HTR4: variants seen among roughly 807,000 people sequenced by gnomAD.
The protein encoded by HTR4 is 5-hydroxytryptamine receptor 4.
A neutral mutation model predicts 36.8 loss-of-function variants in HTR4; 16 were observed. The ratio of observed to expected loss-of-function variants is 0.43; its 90% CI spans 0.29 to 0.66. The LOEUF (loss-of-function observed/expected upper bound fraction) is 0.66, where lower values mean the gene tolerates loss of function less well. HTR4 is among the 30% of genes least tolerant of loss of function. The pLI, the probability that HTR4 is intolerant of heterozygous loss-of-function variation, is 0.13. For synonymous variants in HTR4, 189 were observed against 185.1 expected (o/e 1.02, Z -0.17); for missense variants, 438 against 490.9 (o/e 0.89, Z 1.02).
chr5:148,555,165 G>C (rs748444522), intron 2 of HTR4, among the ~76,000 whole-genome samples: 3 of 152,200 alleles, frequency 2.0e-5, no homozygotes, highest in Admixed American at 6.5e-5. Context: ...GTTTTAGGTC[G>C]CTTTTTTGTC....
intron 2 of HTR4, among the ~76,000 whole-genome samples, chr5:148,632,462 G>A (rs560441735): frequency 6.6e-6 from 1 of 152,252 alleles, no homozygotes; most frequent in South Asian, 2.1e-4. Context: ...AGGGACTGCA[G>A]GGTCAGTGAA....
At chr5:148,524,994 A>G (rs1758197116) in intron 4 of HTR4, among the ~76,000 whole-genome samples, 1 of 152,158 alleles carries the variant, frequency 6.6e-6, no homozygotes, top group African/African-American at 2.4e-5. Context: ...AGCTGACGAC[A>G]TTGTGCCAAA....
At chr5:148,576,343 T>A (rs949656331) in intron 2 of HTR4, among the ~76,000 whole-genome samples, 1 of 151,732 alleles carries the variant, frequency 6.6e-6, no homozygotes, top group Non-Finnish European at 1.5e-5. Context: ...TGAAAAAACA[T>A]CCCATGTGCG....
At chr5:148,578,633 T>C (rs1307772157) in intron 2 of HTR4, among the ~76,000 whole-genome samples, 1 of 152,096 alleles carries the variant, frequency 6.6e-6, no homozygotes, top group African/African-American at 2.4e-5. Flanking sequence ...AGAGACAAAC[T>C]GCCTGAATTC....
intron 2 of HTR4, among the ~76,000 whole-genome samples, chr5:148,636,469 T>A (rs1378338446): frequency 6.6e-6 from 1 of 152,196 alleles, no homozygotes; most frequent in African/African-American, 2.4e-5. Context: ...GTCAGACTAC[T>A]ATTTCATCTC....
intron 5 of HTR4, chr5:148,462,033 C>T (rs114905261): frequency 6.6e-6 from 1 of 151,942 alleles, no homozygotes; most frequent in African/African-American, 2.4e-5. Context: ...AAAGAAATCT[C>T]AAAATAAGTT....
At chr5:148,532,524 G>A (rs1297654903) in intron 4 of HTR4, among the ~76,000 whole-genome samples, 1 of 152,226 alleles carries the variant, frequency 6.6e-6, no homozygotes, top group South Asian at 2.1e-4. Context: ...CTAGCAGAGG[G>A]ATGGGGAAAG....
chr5:148,628,220 T>C (rs191026882), intron 2 of HTR4, among the ~76,000 whole-genome samples: 1 of 152,330 alleles, frequency 6.6e-6, no homozygotes, highest in East Asian at 1.9e-4. Context: ...AAGCAAACCA[T>C]TGAAGTTCAA....
intron 2 of HTR4, among the ~76,000 whole-genome samples, chr5:148,614,339 G>T (rs938792939): frequency 6.6e-6 from 1 of 151,780 alleles, no homozygotes; most frequent in Non-Finnish European, 1.5e-5. Context: ...CAGAGATATA[G>T]ATCAATGGAA....
In HTR4 at chr5:148,482,372, T is replaced by C; in HGVS notation, c.*831A>G. On this transcript the variant is annotated 3_prime_UTR_variant, in exon 7 of 7. Transcript: ENST00000377888. ...CCTGCCCAAGGCTTTTTAGAAGACG[T>C]CCCGTTCTAGCCCAGCAGGAGAGCG... 1.0e-6 allele frequency: 1 copy of C among 985,506 alleles called. No homozygotes were observed. The highest frequency in any genetic ancestry group is 1.2e-6 in the Non-Finnish European group (1 of 830,008). The allele number at this position is 985,506 out of a possible 1,614,324, so 61.0% of individuals were successfully genotyped here.
chr5:148,552,236 T>C (rs1214803548), intron 2 of HTR4, among the ~76,000 whole-genome samples: 1 of 152,192 alleles, frequency 6.6e-6, no homozygotes, highest in Admixed American at 6.5e-5. Flanking sequence ...ATAGGCAGAT[T>C]GATAGATTGT....
chr5:148,561,796 T>C (rs940827430), intron 2 of HTR4, among the ~76,000 whole-genome samples: 1 of 152,140 alleles, frequency 6.6e-6, no homozygotes, highest in African/African-American at 2.4e-5. Context: ...GGACCACATA[T>C]GCCCTCTCCA....
chr5:148,613,084 C>T (rs1390356186), intron 2 of HTR4, among the ~76,000 whole-genome samples: 11 of 143,240 alleles, frequency 7.7e-5, no homozygotes, highest in East Asian at 6.3e-4. Context: ...GATTCACAGC[C>T]GAATTCTACC....
intron 5 of HTR4, among the ~76,000 whole-genome samples, chr5:148,456,182 C>T (rs563197639): frequency 6.6e-6 from 1 of 152,102 alleles, no homozygotes; most frequent in Non-Finnish European, 1.5e-5. Flanking sequence ...AAGACATACC[C>T]TGGGTTTGAG....
intron 6 of HTR4, among the ~76,000 whole-genome samples, chr5:148,494,311 AG>A (rs1207370136): frequency 3.3e-5 from 5 of 152,208 alleles, no homozygotes; most frequent in African/African-American, 1.2e-4. Flanking sequence ...CTGCCCTCAT[AG>A]ACTGGCAGTC....
intron 6 of HTR4, among the ~76,000 whole-genome samples, chr5:148,503,330 C>G (rs10035840): frequency 0.014 from 2,201 of 152,226 alleles, 57 homozygotes; most frequent in African/African-American, 0.05. Flanking sequence ...AGGGTGGGGG[C>G]CAATATTCAA....
At chr5:148,584,819 C>T (rs908655496) in intron 2 of HTR4, among the ~76,000 whole-genome samples, 1 of 152,180 alleles carries the variant, frequency 6.6e-6, no homozygotes, top group Non-Finnish European at 1.5e-5. Context: ...GGCATCACAT[C>T]TTCCCTTTTC....
At chr5:148,609,579 G>GA (rs1752322107) in intron 2 of HTR4, among the ~76,000 whole-genome samples, 1 of 126,740 alleles carries the variant, frequency 7.9e-6, no homozygotes, top group Admixed American at 7.4e-5. Context: ...GAATTTTTAA[G>GA]GGTTTTTTTT....
downstream of HTR4, among the ~76,000 whole-genome samples, chr5:148,476,073 C>T (rs1389392994): frequency 2.0e-5 from 3 of 152,236 alleles, no homozygotes; most frequent in Non-Finnish European, 4.4e-5. Context: ...CCCAGCCACA[C>T]AGCAAATTAG....
Sources: gnomAD v4.1 joint callset for allele counts (sites outside exome capture counted in the v4.1 genomes callset) on GRCh38, gnomAD v4.1.1 for gene constraint, MANE v1.5 for transcripts, NCBI Gene and HGNC (gene_info 2026-07-23, HGNC 2026-07-21) for gene names.